The following ELMO1 variants were observed in gnomAD, a reference collection of about 807,000 sequenced individuals.
ELMO1 encodes engulfment and cell motility 1.
ELMO1 carries 26 observed loss-of-function variants against 98.9 expected under a neutral mutation model. That is an observed-to-expected ratio of 0.26 (90% CI 0.19 to 0.36). ELMO1 has a LOEUF of 0.36. Ranked by LOEUF, ELMO1 falls within the 10% of genes least tolerant of loss-of-function variation. ELMO1 has a pLI of 1.00. For synonymous variants in ELMO1, 346 were observed against 346.0 expected (o/e 1.00, Z 0.00); for missense variants, 627 against 935.2 (o/e 0.67, Z 4.30).
intron 1 of ELMO1, among the ~76,000 whole-genome samples, chr7:37,399,633 T>C (rs1010813195): frequency 6.6e-6 from 1 of 152,224 alleles, no homozygotes; most frequent in Non-Finnish European, 1.5e-5. Context: ...GGATAATGCA[T>C]GACATCGGCC....
chr7:37,264,164 C>T (rs1035705149), intron 5 of ELMO1, among the ~76,000 whole-genome samples: 2 of 152,064 alleles, frequency 1.3e-5, no homozygotes, highest in African/African-American at 2.4e-5. Flanking sequence ...TGGGAATATG[C>T]GCAGTGGAGT....
At chr7:36,880,868 T>C (rs1804396116) in intron 18 of ELMO1, among the ~76,000 whole-genome samples, 1 of 152,226 alleles carries the variant, frequency 6.6e-6, no homozygotes, top group Non-Finnish European at 1.5e-5. Context: ...CTTGCAAAGT[T>C]GGAGTTGATG....
At chr7:37,218,619 T>C (rs1471708466) in intron 10 of ELMO1, among the ~76,000 whole-genome samples, 3 of 152,214 alleles carry the variant, frequency 2.0e-5, no homozygotes, top group African/African-American at 4.8e-5. Flanking sequence ...TAGCTACAAA[T>C]ATGAATCCAG....
At chr7:37,081,507 G>A (rs537118332) in intron 15 of ELMO1, among the ~76,000 whole-genome samples, 5 of 152,324 alleles carry the variant, frequency 3.3e-5, no homozygotes, top group African/African-American at 1.2e-4. Flanking sequence ...TCATTCCCAT[G>A]TGTTGTGGGA....
At chr7:37,381,696 T>C (rs1036963164) in intron 1 of ELMO1, among the ~76,000 whole-genome samples, 13 of 152,212 alleles carry the variant, frequency 8.5e-5, no homozygotes, top group African/African-American at 2.9e-4. Flanking sequence ...CTCTAGAACA[T>C]GAGAAATCCA....
rs779121423 is a variant in ELMO1, at chr7:37,216,687, C to T, written c.789G>A (p.Ala263=). The T allele has an allele frequency of 3.7e-5, 59 of 1,613,952 alleles. 1 individual carries two copies. The highest frequency in any genetic ancestry group is 1.8e-4 in the South Asian group (16 of 91,066). The part of the protein sequence containing the change: ...KAPDERRQEM[A]NILAQKQLRS... ...GCAGTTGCTTCTGAGCCAAAATATT[C>T]GCCATCTCCTGTGGAAGAAAAACAC... is the stretch of plus-strand genomic sequence containing the variant. Residue 263 remains alanine (A), a synonymous_variant, in exon 11 of 22, where the codon GCG becomes GCA. Transcript: ENST00000310758.
rs190486739 is a variant in ELMO1 at position 37,257,417 on chromosome 7, C to T, written c.413+1764G>A. ...TGGCCTGGCCAACGTGGTGAAACCCCGTCTCTACTAAAAATACAAAAATTA... is the reference window on the plus strand; with the variant it reads ...TGGCCTGGCCAACGTGGTGAAACCCTGTCTCTACTAAAAATACAAAAATTA... On this transcript the variant is annotated intron_variant, in intron 6 of 21. Transcript: ENST00000310758. Among the ~76,000 whole-genome samples, 87 of 151,416 alleles carry T rather than the reference C, an allele frequency of 5.7e-4. 1 individual carries two copies. In the South Asian group the frequency reaches 0.013, roughly 22 times the overall value.
chr7:36,971,598 G>C (rs1369693259), intron 16 of ELMO1, among the ~76,000 whole-genome samples: 1 of 152,214 alleles, frequency 6.6e-6, no homozygotes, highest in Non-Finnish European at 1.5e-5. Context: ...ATTCAGAAAA[G>C]CAGTATTACC....
chr7:36,945,642 C>G (rs972045634), intron 16 of ELMO1, among the ~76,000 whole-genome samples: 2 of 152,184 alleles, frequency 1.3e-5, no homozygotes, highest in Non-Finnish European at 2.9e-5. Context: ...GGGGTTAAAT[C>G]GGGCAAATTT....
At chr7:36,986,303 C>CT (rs773827889) in intron 16 of ELMO1, 100 of 973,688 alleles carry the variant, frequency 1.0e-4, no homozygotes, top group Non-Finnish European at 1.2e-4. Flanking sequence ...CCAGGAAGAG[C>CT]TTTTCTCTTA....
chr7:37,333,490 C>A (rs996668490), intron 2 of ELMO1, among the ~76,000 whole-genome samples: 2 of 152,206 alleles, frequency 1.3e-5, no homozygotes, highest in African/African-American at 4.8e-5. Flanking sequence ...ATCTGCATTT[C>A]ATTTGCTGAA....
chr7:37,206,394 T>A (rs1792621076), intron 13 of ELMO1, among the ~76,000 whole-genome samples: 1 of 152,242 alleles, frequency 6.6e-6, no homozygotes, highest in African/African-American at 2.4e-5. Flanking sequence ...AGCCCAAGCT[T>A]AATCACAATG....
At chr7:36,933,092 TG>T (rs1339916071) in intron 16 of ELMO1, among the ~76,000 whole-genome samples, 3 of 152,218 alleles carry the variant, frequency 2.0e-5, no homozygotes, top group Admixed American at 1.3e-4. Flanking sequence ...GGTGTCCTTT[TG>T]GCCCAGTTAA....
chr7:37,447,467 G>C (rs1447404031), intron 1 of ELMO1, among the ~76,000 whole-genome samples: 2 of 152,028 alleles, frequency 1.3e-5, no homozygotes, highest in African/African-American at 4.8e-5. Flanking sequence ...GGGACTCTCA[G>C]AGCTGGGTCA....
intron 13 of ELMO1, among the ~76,000 whole-genome samples, chr7:37,143,097 A>G (rs948969288): frequency 1.3e-5 from 2 of 152,244 alleles, no homozygotes; most frequent in African/African-American, 4.8e-5. Context: ...TCTCAATAAA[A>G]GAATGCCTGC....
chr7:37,116,061 T>G (rs917251022), intron 14 of ELMO1, among the ~76,000 whole-genome samples: 7 of 152,172 alleles, frequency 4.6e-5, no homozygotes, highest in African/African-American at 1.7e-4. Context: ...ACAATGTCTA[T>G]TAATTAAAAA....
intron 1 of ELMO1, chr7:37,351,251 A>G (rs184830355): frequency 5.9e-5 from 9 of 152,380 alleles, no homozygotes; most frequent in Non-Finnish European, 1.0e-4. Flanking sequence ...TTAAACACGA[A>G]TAACAATCTG....
At chr7:37,358,757 C>A (rs1183198430) in intron 1 of ELMO1, among the ~76,000 whole-genome samples, 1 of 152,108 alleles carries the variant, frequency 6.6e-6, no homozygotes. Flanking sequence ...CAGACCTGGA[C>A]TGGAATGTAA....
At chr7:37,071,230 G>GT (rs1797251359) in intron 15 of ELMO1, among the ~76,000 whole-genome samples, 1 of 152,148 alleles carries the variant, frequency 6.6e-6, no homozygotes, top group Non-Finnish European at 1.5e-5. Context: ...CATTAAACCA[G>GT]TATATTGAGT....
Sources: gnomAD v4.1 joint callset for allele counts (sites outside exome capture counted in the v4.1 genomes callset) on GRCh38, gnomAD v4.1.1 for gene constraint, MANE v1.5 for transcripts, NCBI Gene and HGNC (gene_info 2026-07-23, HGNC 2026-07-21) for gene names.